Variants in MYH15 observed in about 807,000 individuals in gnomAD.
MYH15 encodes the protein myosin heavy chain 15.
MYH15 carries 227 observed loss-of-function variants against 240.5 expected under a neutral mutation model. The observed-to-expected ratio is 0.94, with a 90% CI of 0.85 to 1.05. The LOEUF (loss-of-function observed/expected upper bound fraction) is 1.05. Ranked by LOEUF, MYH15 falls within the 50% of genes least tolerant of loss-of-function variation. The probability of loss-of-function intolerance (pLI) is 0.00; values close to 1 mark genes in which losing one functional copy is unlikely to be tolerated. For missense variants in MYH15, 2,217 were observed against 2,247.5 expected, an observed-to-expected ratio of 0.99 and a Z score of 0.27; for synonymous variants, 785 against 796.7, an observed-to-expected ratio of 0.99 and a Z score of 0.25.
chr3:108,421,966 T>A (rs2082687601), intron 27 of MYH15, among the ~76,000 whole-genome samples: 1 of 152,166 alleles, frequency 6.6e-6, no homozygotes, highest in African/African-American at 2.4e-5. Flanking sequence ...AAGTAACCAG[T>A]CTAATCGCCA....
In MYH15 at chr3:108,454,123, A is replaced by G; in HGVS notation, c.2282T>C (p.Phe761Ser). The change falls in exon 21 of 41, where the codon TTT becomes TCT. Residue 761 changes from phenylalanine (F) to serine (S), a missense_variant. Physicochemically the swap from Phe to Ser is radical, Grantham distance 155. Transcript: ENST00000693548. ...GITKVFFKAG[F>S]LGQLEAIRDE... ...TCTTATTGCTTCCAGTTGGCCCAGA[A>G]ACCCAGCTTTAAAAAACACCTAAAG... 6.2e-7 allele frequency: 1 copy of G among 1,610,350 alleles called. No individual in the cohort carries two copies. Among genetic ancestry groups the G allele is most frequent in the East Asian group, 2.2e-5 (1 of 44,824 alleles).
chr3:108,504,827 C>A (rs2249127), intron 2 of MYH15, among the ~76,000 whole-genome samples: 11 of 152,170 alleles, frequency 7.2e-5, no homozygotes, highest in Non-Finnish European at 1.2e-4. Flanking sequence ...AAGGGGCTGG[C>A]GGGTATTATG....
intron 16 of MYH15, among the ~76,000 whole-genome samples, chr3:108,462,584 T>A (rs2083080861): frequency 6.6e-6 from 1 of 152,068 alleles, no homozygotes; most frequent in Non-Finnish European, 1.5e-5. Context: ...CTAACAGTAC[T>A]TTGTAAATTA....
chr3:108,471,843 A>G (rs2083180545), intron 12 of MYH15, among the ~76,000 whole-genome samples: 1 of 152,206 alleles, frequency 6.6e-6, no homozygotes, highest in Admixed American at 6.5e-5. Context: ...AATAGTTTGA[A>G]AAGTAGTGGT....
chr3:108,542,937 G>C, the MYH15 span, among the ~76,000 whole-genome samples: 1 of 147,212 alleles, frequency 6.8e-6, no homozygotes, highest in Non-Finnish European at 1.5e-5. Flanking sequence ...CTGGAGTGCA[G>C]TGGCACGATC....
At chr3:108,446,545 C>CA (rs1230457258) in intron 21 of MYH15, among the ~76,000 whole-genome samples, 4 of 152,020 alleles carry the variant, frequency 2.6e-5, no homozygotes, top group East Asian at 1.9e-4. Flanking sequence ...CATGAATAAT[C>CA]AAAAAAATGA....
intron 35 of MYH15, among the ~76,000 whole-genome samples, chr3:108,397,394 G>A (rs558707175): frequency 6.6e-6 from 1 of 152,330 alleles, no homozygotes; most frequent in Admixed American, 6.5e-5. Flanking sequence ...TGTCCTTCAT[G>A]ACTCAGAAGA....
intron 17 of MYH15, among the ~76,000 whole-genome samples, 185 bp from the exon 18 acceptor site, chr3:108,459,634 G>A (rs868599727): frequency 2.6e-4 from 39 of 152,254 alleles, no homozygotes; most frequent in Middle Eastern, 3.4e-3. Flanking sequence ...CCTATGGCAA[G>A]TCAATATTTA....
At position 108,487,500 on chromosome 3, in the gene MYH15, T is replaced by C. The variant is rs546418432; in HGVS notation, c.872-974A>G. Reference sequence around the variant, plus strand: ...ACATGGAAGAATTTCAAAATAATTATGCTGGGTAAAATAAGCCTGACAAGA... The same window carrying C: ...ACATGGAAGAATTTCAAAATAATTACGCTGGGTAAAATAAGCCTGACAAGA... On this transcript the variant is annotated intron_variant, in intron 9 of 40. Coordinates refer to ENST00000693548, the MANE Select transcript of MYH15 (RefSeq NM_014981.3). Among the ~76,000 whole-genome samples, 22 of 152,362 alleles carry C rather than the reference T, an allele frequency of 1.4e-4. No individual in the cohort carries two copies. The South Asian group carries it at 4.3e-3, about 30-fold the overall frequency.
chr3:108,468,385 G>C (rs2083140309), intron 14 of MYH15, among the ~76,000 whole-genome samples: 1 of 152,186 alleles, frequency 6.6e-6, no homozygotes, highest in Non-Finnish European at 1.5e-5. Context: ...ATGTGTTTTA[G>C]TACTTTCAAA....
At chr3:108,389,144 A>T in intron 37 of MYH15, 70 bp from the exon 38 acceptor site, 1 of 1,358,346 alleles carries the variant, frequency 7.4e-7, no homozygotes, top group South Asian at 1.2e-5. Context: ...TGATTGGCAC[A>T]ATCATTTGAA....
intron 31 of MYH15, among the ~76,000 whole-genome samples, chr3:108,410,270 G>C (rs1270021028): frequency 1.3e-5 from 2 of 152,014 alleles, no homozygotes; most frequent in African/African-American, 4.8e-5. Flanking sequence ...ATGCAATTTG[G>C]GTAAAAACTA....
intron 1 of MYH15, among the ~76,000 whole-genome samples, chr3:108,526,779 A>G (rs1008001922): frequency 6.6e-6 from 1 of 152,152 alleles, no homozygotes; most frequent in Non-Finnish European, 1.5e-5. Flanking sequence ...TCGATGTTGC[A>G]AGCCTTATTA....
intron 30 of MYH15, among the ~76,000 whole-genome samples, chr3:108,413,398 G>A (rs933413732): frequency 6.6e-6 from 1 of 152,178 alleles, no homozygotes; most frequent in Non-Finnish European, 1.5e-5. Flanking sequence ...CAAAGATTTA[G>A]GTGAAGAACT....
chr3:108,411,534 G>T (rs187548570), intron 30 of MYH15, among the ~76,000 whole-genome samples: 31 of 152,222 alleles, frequency 2.0e-4, no homozygotes, highest in South Asian at 4.2e-4. Context: ...CTGTTCTTAT[G>T]GGGTTTTTTA....
intron 31 of MYH15, among the ~76,000 whole-genome samples, chr3:108,409,248 G>A (rs1167736781): frequency 6.6e-6 from 1 of 152,206 alleles, no homozygotes; most frequent in Middle Eastern, 3.2e-3. Flanking sequence ...TCTGAGAAGT[G>A]CTCTCCTAAA....
At chr3:108,537,484 C>A in the MYH15 span, among the ~76,000 whole-genome samples, 1 of 152,164 alleles carries the variant, frequency 6.6e-6, no homozygotes, top group Non-Finnish European at 1.5e-5. Flanking sequence ...AAAGTCCTCA[C>A]AAATGGGATA....
intron 35 of MYH15, among the ~76,000 whole-genome samples, chr3:108,395,086 T>C (rs538114919): frequency 1.8e-4 from 28 of 151,970 alleles, no homozygotes; most frequent in Non-Finnish European, 3.5e-4. Flanking sequence ...GGCAACATGG[T>C]GAAACCCCGT....
At chr3:108,399,539 G>A (rs1576208907) in intron 33 of MYH15, among the ~76,000 whole-genome samples, 1 of 152,270 alleles carries the variant, frequency 6.6e-6, no homozygotes, top group Middle Eastern at 3.4e-3. Flanking sequence ...GCTTTTCAAG[G>A]TCCTGTGAGG....
Sources: gnomAD v4.1 joint callset for allele counts (sites outside exome capture counted in the v4.1 genomes callset) on GRCh38, gnomAD v4.1.1 for gene constraint, MANE v1.5 for transcripts, NCBI Gene and HGNC (gene_info 2026-07-23, HGNC 2026-07-21) for gene names.